Variants in DENND4C observed in about 807,000 individuals in gnomAD.
The protein encoded by DENND4C is DENN domain containing 4C.
A neutral mutation model predicts 203.0 loss-of-function variants in DENND4C; 108 were observed. The observed-to-expected ratio is 0.53, with a 90% CI of 0.46 to 0.62. The LOEUF is 0.62. Among genes scored for constraint, DENND4C ranks in the 20% least tolerant of loss-of-function variants. DENND4C has a pLI of 0.00. For missense variants in DENND4C, 2,481 were observed against 2,301.2 expected (o/e 1.08, Z -1.60); for synonymous variants, 871 against 792.4 (o/e 1.10, Z -1.67).
chr9:19,281,214 C>G (rs967888284), intron 2 of DENND4C, among the ~76,000 whole-genome samples: 1 of 150,598 alleles, frequency 6.6e-6, no homozygotes, highest in Non-Finnish European at 1.5e-5. Flanking sequence ...GTGGCTTTTT[C>G]ATACACATCT....
intron 1 of DENND4C, among the ~76,000 whole-genome samples, chr9:19,239,643 T>A (rs1338492607): frequency 1.3e-5 from 2 of 151,990 alleles, no homozygotes; most frequent in Non-Finnish European, 2.9e-5. Flanking sequence ...CACACCACCA[T>A]GCCCGGCTAA....
intron 3 of DENND4C, among the ~76,000 whole-genome samples, chr9:19,288,307 G>T (rs1166934544): frequency 6.6e-6 from 1 of 152,156 alleles, no homozygotes; most frequent in South Asian, 2.1e-4. Flanking sequence ...TGCACACTCC[G>T]TTTTGTGCTG....
intron 1 of DENND4C, among the ~76,000 whole-genome samples, chr9:19,267,847 G>A (rs187849585): frequency 1.2e-4 from 19 of 152,182 alleles, no homozygotes; most frequent in South Asian, 4.2e-4. Flanking sequence ...CCTGTTTCTT[G>A]TAGGCCGCAG....
At chr9:19,330,685 C>T (rs1329131701) in intron 16 of DENND4C, among the ~76,000 whole-genome samples, 1 of 151,704 alleles carries the variant, frequency 6.6e-6, no homozygotes. Flanking sequence ...ATCTTCAGTG[C>T]AGAGCATAAA....
intron 22 of DENND4C, among the ~76,000 whole-genome samples, chr9:19,343,771 G>A (rs1036112914): frequency 1.3e-5 from 2 of 152,210 alleles, no homozygotes; most frequent in Admixed American, 6.5e-5. Flanking sequence ...TATTGAACTG[G>A]ACATCGTCTG....
chr9:19,291,896 G>A (rs1312626941), intron 5 of DENND4C, among the ~76,000 whole-genome samples: 2 of 152,092 alleles, frequency 1.3e-5, no homozygotes, highest in Admixed American at 6.5e-5. Flanking sequence ...AAAAGGACAA[G>A]GCTACATCCT....
chr9:19,242,199 C>T (rs1460092696), intron 1 of DENND4C, among the ~76,000 whole-genome samples: 2 of 152,150 alleles, frequency 1.3e-5, no homozygotes, highest in African/African-American at 4.8e-5. Flanking sequence ...GGACTAGCTT[C>T]TTTCACTTAG....
At chr9:19,266,891 C>T (rs945157067) in intron 1 of DENND4C, among the ~76,000 whole-genome samples, 1 of 152,172 alleles carries the variant, frequency 6.6e-6, no homozygotes, top group African/African-American at 2.4e-5. Context: ...AAAACCTAGG[C>T]AGTACCATTC....
chr9:19,351,201 C>A (rs1224319422), intron 24 of DENND4C, among the ~76,000 whole-genome samples: 1 of 152,120 alleles, frequency 6.6e-6, no homozygotes, highest in Non-Finnish European at 1.5e-5. Flanking sequence ...ACTGTGGTCA[C>A]CTACTGCCTT....
intron 5 of DENND4C, among the ~76,000 whole-genome samples, chr9:19,291,641 G>A (rs772494613): frequency 7.3e-5 from 11 of 150,842 alleles, no homozygotes; most frequent in Non-Finnish European, 1.6e-4. Flanking sequence ...GGAGACAGAG[G>A]TTGCAATGAG....
intron 10 of DENND4C, among the ~76,000 whole-genome samples, chr9:19,315,389 C>G (rs1841611060): frequency 6.6e-6 from 1 of 151,532 alleles, no homozygotes. Flanking sequence ...GCCAGCTTAA[C>G]CATGAATTTT....
At chr9:19,319,421 CAT>C (rs529304340) in intron 12 of DENND4C, among the ~76,000 whole-genome samples, 13 of 139,094 alleles carry the variant, frequency 9.3e-5, no homozygotes, top group South Asian at 2.3e-4. Flanking sequence ...TATATATATA[CAT>C]ATATATATAC....
rs1819325957 is a variant in DENND4C, at chr9:19,331,994, A to G, written c.2270A>G (p.His757Arg). ...KRTKQEIKTA[H>R]KLAKRCYTNP... ...TCTTTCTAGGAAATAAAAACAGCTC[A>G]TAAATTGGCGAAGAGATGTTATACA... is the stretch of plus-strand genomic sequence containing the variant. Residue 757 changes from histidine to arginine, a missense_variant, in exon 17 of 33, where the codon CAT becomes CGT. Physicochemically the swap from His to Arg is conservative, Grantham distance 29. This residue lies in a region of DENND4C where 2,289 missense variants were observed against 2,113.3 expected (regional missense o/e 1.08). Transcript: ENST00000434457. The G allele has an allele frequency of 1.2e-6, 2 of 1,613,528 alleles. No homozygotes were observed. Among genetic ancestry groups the G allele is most frequent in the Middle Eastern group, 1.6e-4 (1 of 6,080 alleles).
intron 1 of DENND4C, among the ~76,000 whole-genome samples, chr9:19,253,077 C>G (rs1302514625): frequency 6.6e-6 from 1 of 152,184 alleles, no homozygotes; most frequent in Non-Finnish European, 1.5e-5. Context: ...AGTGATTCCT[C>G]TCTTGACTTT....
chr9:19,283,075 C>G (rs1221960355), intron 2 of DENND4C, among the ~76,000 whole-genome samples: 1 of 151,936 alleles, frequency 6.6e-6, no homozygotes, highest in Non-Finnish European at 1.5e-5. Context: ...CCTATGTTGC[C>G]CAGGCTGTTC....
At chr9:19,311,839 G>A (rs1489125331) in intron 10 of DENND4C, among the ~76,000 whole-genome samples, 3 of 152,140 alleles carry the variant, frequency 2.0e-5, no homozygotes, top group Admixed American at 6.5e-5. Context: ...AGTTAGAAGT[G>A]AGATATATAT....
At chr9:19,330,338 T>TTG (rs1170172945) in intron 16 of DENND4C, among the ~76,000 whole-genome samples, 6 of 145,756 alleles carry the variant, frequency 4.1e-5, no homozygotes, top group Non-Finnish European at 9.1e-5. Context: ...AGTTGGTTTT[T>TTG]TTTTTTTTTT....
intron 1 of DENND4C, among the ~76,000 whole-genome samples, chr9:19,238,826 TATTTTTAGTGG>T (rs1215088164): frequency 6.7e-6 from 1 of 150,262 alleles, no homozygotes; most frequent in Non-Finnish European, 1.5e-5. Flanking sequence ...TCTAATTTTA[TATTTTTAGTGG>T]AGATGGGGTT....
chr9:19,301,811 C>A (rs1257146256), intron 9 of DENND4C, among the ~76,000 whole-genome samples: 1 of 152,162 alleles, frequency 6.6e-6, no homozygotes, highest in East Asian at 1.9e-4. Flanking sequence ...GTGGTGCACG[C>A]CTGTAGTCCC....
Sources: allele counts gnomAD v4.1 joint callset (sites outside exome capture counted in the v4.1 genomes callset), GRCh38; gene constraint gnomAD v4.1.1; regional missense constraint gnomAD v4.1.1; transcripts MANE v1.5; gene names NCBI Gene and HGNC (gene_info 2026-07-23, HGNC 2026-07-21).